The following CTNNA2 variants were observed in gnomAD, a reference collection of about 807,000 sequenced individuals.
CTNNA2 encodes the protein catenin alpha 2, also known as catenin alpha-2.
CTNNA2 carries 42 observed loss-of-function variants against 101.0 expected under a neutral mutation model. That is an observed-to-expected ratio of 0.42 (90% CI 0.32 to 0.54). The LOEUF (loss-of-function observed/expected upper bound fraction) is 0.54. Ranked by LOEUF, CTNNA2 falls within the 20% of genes least tolerant of loss-of-function variation. The pLI is 0.14. For missense variants in CTNNA2, 871 were observed against 1,223.1 expected, an observed-to-expected ratio of 0.71 and a Z score of 4.29; for synonymous variants, 450 against 456.4, an observed-to-expected ratio of 0.99 and a Z score of 0.18.
intron 7 of CTNNA2, among the ~76,000 whole-genome samples, chr2:80,098,702 A>G (rs1468595304): frequency 6.6e-6 from 1 of 152,136 alleles, no homozygotes; most frequent in Non-Finnish European, 1.5e-5. Context: ...AGCCTCGGAA[A>G]TGGCAGGCGC....
At chr2:79,409,071 G>C (rs540331972) in intron 4 of CTNNA2, among the ~76,000 whole-genome samples, 24 of 152,176 alleles carry the variant, frequency 1.6e-4, no homozygotes, top group Non-Finnish European at 3.4e-4. Flanking sequence ...ATTTTTTCAT[G>C]TGTTTTTTGG....
At chr2:79,288,502 G>C (rs1272066756) in intron 2 of CTNNA2, among the ~76,000 whole-genome samples, 1 of 152,102 alleles carries the variant, frequency 6.6e-6, no homozygotes, top group African/African-American at 2.4e-5. Flanking sequence ...TGACTGAGTT[G>C]GACATCCAAG....
intron 1 of CTNNA2, among the ~76,000 whole-genome samples, chr2:79,598,910 A>G (rs978996100): frequency 6.6e-6 from 1 of 152,086 alleles, no homozygotes; most frequent in Non-Finnish European, 1.5e-5. Flanking sequence ...CTCTTATGTT[A>G]TCTTTTAGAA....
At chr2:80,279,933 T>C (rs541820393) in intron 7 of CTNNA2, among the ~76,000 whole-genome samples, 1 of 152,132 alleles carries the variant, frequency 6.6e-6, no homozygotes, top group Admixed American at 6.5e-5. Context: ...GCATTAGCTA[T>C]GGGATGTTGT....
chr2:79,500,045 C>T (rs978807254), intron 4 of CTNNA2, among the ~76,000 whole-genome samples: 1 of 152,154 alleles, frequency 6.6e-6, no homozygotes, highest in Admixed American at 6.5e-5. Context: ...ATTATGGAGG[C>T]CATTCTTGTT....
intron 2 of CTNNA2, among the ~76,000 whole-genome samples, chr2:79,276,515 A>C (rs1675216964): frequency 6.6e-6 from 1 of 152,052 alleles, no homozygotes; most frequent in South Asian, 2.1e-4. Context: ...TGTTACCTGA[A>C]GTCTATTTTG....
intron 2 of CTNNA2, among the ~76,000 whole-genome samples, chr2:79,677,025 G>A (rs941909698): frequency 6.6e-6 from 1 of 152,002 alleles, no homozygotes; most frequent in Admixed American, 6.6e-5. Context: ...CACCTTCTAG[G>A]CTCAAGTGAT....
At chr2:79,233,323 C>A (rs142281022) in intron 2 of CTNNA2, among the ~76,000 whole-genome samples, 5 of 152,218 alleles carry the variant, frequency 3.3e-5, no homozygotes, top group African/African-American at 9.6e-5. Flanking sequence ...CAAAGTTATT[C>A]AGAAGCAAGT....
chr2:80,095,235 G>T (rs1268801767), intron 7 of CTNNA2, among the ~76,000 whole-genome samples: 2 of 152,120 alleles, frequency 1.3e-5, no homozygotes, highest in Non-Finnish European at 2.9e-5. Flanking sequence ...TTTGTCAAAG[G>T]CCTTTTCTGC....
At chr2:79,701,779 A>G (rs1193492094) in intron 2 of CTNNA2, among the ~76,000 whole-genome samples, 1 of 152,132 alleles carries the variant, frequency 6.6e-6, no homozygotes, top group Non-Finnish European at 1.5e-5. Flanking sequence ...AGGCAGGTGG[A>G]TCACTTGAGG....
At chr2:79,934,872 GTTTTAC>G (rs1014509863) in intron 7 of CTNNA2, among the ~76,000 whole-genome samples, 2 of 152,172 alleles carry the variant, frequency 1.3e-5, no homozygotes, top group African/African-American at 2.4e-5. Flanking sequence ...ATGCACCAAG[GTTTTAC>G]TTTCAAAGAT....
At chr2:80,125,262 T>A (rs1702050800) in intron 7 of CTNNA2, among the ~76,000 whole-genome samples, 2 of 152,102 alleles carry the variant, frequency 1.3e-5, no homozygotes, top group Non-Finnish European at 2.9e-5. Flanking sequence ...AAGTCTGGGC[T>A]CAATCACAGG....
intron 7 of CTNNA2, among the ~76,000 whole-genome samples, chr2:80,090,165 TGTGTGTG>T (rs1699705027): frequency 1.0e-5 from 1 of 97,332 alleles, no homozygotes; most frequent in African/African-American, 3.7e-5. Context: ...TGTGTGTGTG[TGTGTGTG>T]TGTGTGTGTG....
chr2:79,322,715 G>A (rs953751351), intron 3 of CTNNA2, among the ~76,000 whole-genome samples: 1 of 152,146 alleles, frequency 6.6e-6, no homozygotes, highest in Non-Finnish European at 1.5e-5. Flanking sequence ...CCCTTGAGAG[G>A]TTGGGAGGGA....
chr2:79,834,770 T>C (rs1393837573), intron 3 of CTNNA2, among the ~76,000 whole-genome samples: 1 of 2,024 alleles, frequency 4.9e-4, no homozygotes, highest in African/African-American at 2.1e-3. Flanking sequence ...TTTAAGAAAT[T>C]TTTTTCTAAC....
At chr2:80,437,797 G>A (rs575381653) in intron 9 of CTNNA2, among the ~76,000 whole-genome samples, 5 of 152,298 alleles carry the variant, frequency 3.3e-5, no homozygotes, top group South Asian at 4.1e-4. Flanking sequence ...TCAGGAGTTC[G>A]AGACCAGCCT....
At chr2:79,927,947 T>C (rs1394870072) in intron 7 of CTNNA2, among the ~76,000 whole-genome samples, 1 of 152,142 alleles carries the variant, frequency 6.6e-6, no homozygotes, top group East Asian at 1.9e-4. Flanking sequence ...TTTGGCTCAA[T>C]ATATGGAGCA....
At chr2:80,083,439 G>A (rs1038591920) in intron 7 of CTNNA2, among the ~76,000 whole-genome samples, 2 of 152,098 alleles carry the variant, frequency 1.3e-5, no homozygotes, top group Non-Finnish European at 2.9e-5. Context: ...AAGAGAGTTA[G>A]AACCATTAAA....
At chr2:80,140,139 C>T (rs1407010985) in intron 7 of CTNNA2, among the ~76,000 whole-genome samples, 3 of 152,274 alleles carry the variant, frequency 2.0e-5, no homozygotes, top group South Asian at 4.1e-4. Flanking sequence ...AATAAAGCTA[C>T]GAGTGACTGA....
Sources: gnomAD v4.1 joint callset for allele counts (sites outside exome capture counted in the v4.1 genomes callset) on GRCh38, gnomAD v4.1.1 for gene constraint, MANE v1.5 for transcripts, NCBI Gene and HGNC (gene_info 2026-07-23, HGNC 2026-07-21) for gene names.